Variants in KIAA1958 observed in about 807,000 individuals in gnomAD.
The protein encoded by KIAA1958 is uncharacterized protein KIAA1958.
A neutral mutation model predicts 47.2 loss-of-function variants in KIAA1958; 14 were observed. The observed-to-expected ratio is 0.30, with a 90% CI of 0.20 to 0.46. The LOEUF is 0.46. Ranked by LOEUF, KIAA1958 falls within the 20% of genes least tolerant of loss-of-function variation. The pLI is 1.00. For synonymous variants in KIAA1958, 354 were observed against 353.3 expected, an observed-to-expected ratio of 1.00 and a Z score of -0.02; for missense variants, 803 against 909.2, an observed-to-expected ratio of 0.88 and a Z score of 1.50.
At chr9:112,517,845 G>A (rs1230307230) in intron 1 of KIAA1958, among the ~76,000 whole-genome samples, 1 of 152,208 alleles carries the variant, frequency 6.6e-6, no homozygotes, top group Non-Finnish European at 1.5e-5. Flanking sequence ...CGATGTCATT[G>A]AAATGCAAAT....
chr9:112,503,040 C>A (rs1587991174), intron 1 of KIAA1958, among the ~76,000 whole-genome samples: 1 of 152,070 alleles, frequency 6.6e-6, no homozygotes, highest in African/African-American at 2.4e-5. Flanking sequence ...AAGTACTTGC[C>A]CTCATAGAGC....
chr9:112,549,811 A>G (rs1245759282), intron 1 of KIAA1958, among the ~76,000 whole-genome samples: 3 of 152,312 alleles, frequency 2.0e-5, no homozygotes, highest in East Asian at 1.9e-4. Flanking sequence ...AGGTGGGTGT[A>G]TGCTACTGGC....
chr9:112,498,007 A>G (rs1334760809), intron 1 of KIAA1958, among the ~76,000 whole-genome samples: 1 of 152,206 alleles, frequency 6.6e-6, no homozygotes, highest in Non-Finnish European at 1.5e-5. Context: ...GATATGCAAT[A>G]ATCTGATTAG....
intron 1 of KIAA1958, among the ~76,000 whole-genome samples, chr9:112,553,171 C>T (rs1476073228): frequency 2.8e-5 from 4 of 141,552 alleles, no homozygotes; most frequent in Admixed American, 7.1e-5. Context: ...CCTCTCCCCT[C>T]TCCCCTCTCC....
chr9:112,572,020 A>G lies in KIAA1958; in HGVS notation c.-24-2037A>G, dbSNP rs139655703. Among the ~76,000 whole-genome samples, 22 of 152,054 alleles carry G rather than the reference A, an allele frequency of 1.4e-4. No individual in the cohort carries two copies. The East Asian group carries it at 4.1e-3, about 28-fold the overall frequency. ...TAGTCCTGGCATTGTAGGCTTAGAG[A>G]TAATTAGTGCCTTGTCTGAGACCAC... is the stretch of plus-strand genomic sequence containing the variant. On this transcript the variant is annotated intron_variant, in intron 1 of 3. Coordinates refer to ENST00000337530, the MANE Select transcript of KIAA1958 (RefSeq NM_133465.4).
chr9:112,616,640 CCTGTTT>C (rs1199087079), intron 2 of KIAA1958, among the ~76,000 whole-genome samples: 5 of 152,080 alleles, frequency 3.3e-5, no homozygotes, highest in African/African-American at 1.2e-4. Context: ...AATAGCGTAG[CCTGTTT>C]CTGTTTTTTA....
chr9:112,549,369 A>G (rs1190053373), intron 1 of KIAA1958, among the ~76,000 whole-genome samples: 2 of 152,208 alleles, frequency 1.3e-5, no homozygotes, highest in African/African-American at 4.8e-5. Context: ...CATAACTTGT[A>G]TCTTGCTACT....
At chr9:112,633,683 C>T (rs1836749876) in intron 2 of KIAA1958, among the ~76,000 whole-genome samples, 1 of 152,132 alleles carries the variant, frequency 6.6e-6, no homozygotes, top group Non-Finnish European at 1.5e-5. Context: ...GTCATTTTAT[C>T]TGGTTTTTAA....
intron 1 of KIAA1958, among the ~76,000 whole-genome samples, chr9:112,490,009 A>G (rs1587985179): frequency 1.3e-5 from 2 of 152,178 alleles, no homozygotes; most frequent in East Asian, 3.8e-4. Flanking sequence ...ATTTTTTTGT[A>G]GCCTGGTGGG....
chr9:112,535,355 GTCT>G, intron 1 of KIAA1958, among the ~76,000 whole-genome samples: 1 of 152,080 alleles, frequency 6.6e-6, no homozygotes, highest in South Asian at 2.1e-4. Context: ...TTTTGTGCCT[GTCT>G]TCTTTTAACT....
At chr9:112,601,192 A>G (rs955059305) in intron 2 of KIAA1958, among the ~76,000 whole-genome samples, 2 of 152,222 alleles carry the variant, frequency 1.3e-5, no homozygotes, top group Non-Finnish European at 2.9e-5. Flanking sequence ...TAAGAAAGAA[A>G]ATATCTGAAT....
At chr9:112,569,795 T>G (rs1835502228) in intron 1 of KIAA1958, among the ~76,000 whole-genome samples, 1 of 152,042 alleles carries the variant, frequency 6.6e-6, no homozygotes. Flanking sequence ...TAATTTTTTT[T>G]GTATTTTTAG....
At position 112,668,141 on chromosome 9, in the gene KIAA1958, A is replaced by G. The variant is rs1837375768; in HGVS notation, c.*8072A>G. The G allele has an allele frequency of 1.1e-5, 1 of 89,418 alleles. No homozygotes were observed. The highest frequency in any genetic ancestry group is 5.7e-5 in the African/African-American group (1 of 17,476). 5.5% of individuals were successfully genotyped at this position (89,418 alleles called of 1,614,324 possible). A position where few individuals can be genotyped will look rare whatever the true frequency, so the allele number is the denominator to read the frequency against. On this transcript the variant is annotated 3_prime_UTR_variant, in exon 4 of 4. Transcript: ENST00000337530. ...ATCCTGAAAGAGTCCACTGCTTCCA[A>G]GTGAGAAAAGCCAAGGAGTCCCCTG...
intron 1 of KIAA1958, among the ~76,000 whole-genome samples, chr9:112,542,165 C>T (rs1243474191): frequency 6.6e-6 from 1 of 152,014 alleles, no homozygotes; most frequent in Non-Finnish European, 1.5e-5. Context: ...GTCAAGAGTA[C>T]AGACCATGAA....
At chr9:112,633,923 A>G (rs1169705792) in intron 2 of KIAA1958, among the ~76,000 whole-genome samples, 1 of 152,136 alleles carries the variant, frequency 6.6e-6, no homozygotes, top group Non-Finnish European at 1.5e-5. Context: ...TATTTGTTGT[A>G]CTATTATGCT....
intron 2 of KIAA1958, among the ~76,000 whole-genome samples, chr9:112,642,445 G>A (rs1248407801): frequency 6.6e-6 from 1 of 152,228 alleles, no homozygotes; most frequent in Non-Finnish European, 1.5e-5. Context: ...ACCAGAGGCA[G>A]TGCTCCCTTT....
chr9:112,487,453 C>T (rs1348247221), intron 1 of KIAA1958, among the ~76,000 whole-genome samples: 2 of 152,026 alleles, frequency 1.3e-5, no homozygotes, highest in African/African-American at 2.4e-5. Flanking sequence ...GTGCGTGGGG[C>T]TGGCGCCCCC....
intron 3 of KIAA1958, among the ~76,000 whole-genome samples, chr9:112,658,099 T>C (rs1837185271): frequency 6.6e-6 from 1 of 152,130 alleles, no homozygotes. Flanking sequence ...TCAGGTGATC[T>C]GCCCACCTTG....
intron 1 of KIAA1958, among the ~76,000 whole-genome samples, chr9:112,522,333 T>C (rs1834560279): frequency 6.6e-6 from 1 of 152,232 alleles, no homozygotes; most frequent in Non-Finnish European, 1.5e-5. Flanking sequence ...TATTTCATGC[T>C]TCAGATAAGG....
Sources: allele counts gnomAD v4.1 joint callset (sites outside exome capture counted in the v4.1 genomes callset), GRCh38; gene constraint gnomAD v4.1.1; transcripts MANE v1.5; gene names NCBI Gene and HGNC (gene_info 2026-07-23, HGNC 2026-07-21).